The following HTR4 variants were observed in gnomAD, a reference collection of about 807,000 sequenced individuals.
HTR4 encodes 5-hydroxytryptamine receptor 4.
A neutral mutation model predicts 36.8 loss-of-function variants in HTR4; 16 were observed. The ratio of observed to expected loss-of-function variants is 0.43; its 90% CI spans 0.29 to 0.66. The LOEUF (loss-of-function observed/expected upper bound fraction) is 0.66. HTR4 is among the 30% of genes least tolerant of loss of function. The pLI is 0.13. For synonymous variants in HTR4, 189 were observed against 185.1 expected (o/e 1.02, Z -0.17); for missense variants, 438 against 490.9 (o/e 0.89, Z 1.02).
chr5:148,544,265 C>T (rs1350680718), intron 4 of HTR4, among the ~76,000 whole-genome samples: 1 of 151,168 alleles, frequency 6.6e-6, no homozygotes, highest in Non-Finnish European at 1.5e-5. Context: ...CTTTCTTTCT[C>T]TCTCTCTCTC....
intron 4 of HTR4, among the ~76,000 whole-genome samples, chr5:148,541,916 C>A (rs1025526221): frequency 6.6e-6 from 1 of 152,140 alleles, no homozygotes; most frequent in African/African-American, 2.4e-5. Flanking sequence ...GCTCAGGAGC[C>A]TACCCTGCTT....
chr5:148,463,313 C>G (rs187670083), intron 5 of HTR4, among the ~76,000 whole-genome samples: 2 of 151,212 alleles, frequency 1.3e-5, no homozygotes. Context: ...GATGGGACTA[C>G]AGGCATGCAC....
intron 2 of HTR4, among the ~76,000 whole-genome samples, chr5:148,573,728 T>C (rs1760772247): frequency 1.3e-5 from 2 of 152,016 alleles, no homozygotes; most frequent in Admixed American, 6.6e-5. Flanking sequence ...TTTGTCTTGC[T>C]ACTCCTCATC....
intron 1 of HTR4, among the ~76,000 whole-genome samples, chr5:148,643,759 T>C (rs905419305): frequency 6.6e-6 from 1 of 152,178 alleles, no homozygotes; most frequent in African/African-American, 2.4e-5. Context: ...CAGGAGGAGT[T>C]TGAGACTAAC....
chr5:148,507,213 C>T (rs9686785), intron 6 of HTR4, among the ~76,000 whole-genome samples: 80,690 of 151,532 alleles, frequency 0.53, 23,590 homozygotes, highest in African/African-American at 0.79. Context: ...GATGAGTTCA[C>T]GTCCTTTGTA....
chr5:148,573,891 T>C (rs760581384), intron 2 of HTR4, among the ~76,000 whole-genome samples: 45 of 152,062 alleles, frequency 3.0e-4, no homozygotes, highest in Non-Finnish European at 5.6e-4. Context: ...TACCTGGATC[T>C]ACACGAGTCT....
downstream of HTR4, among the ~76,000 whole-genome samples, chr5:148,481,197 AC>A (rs1050372109): frequency 6.6e-6 from 1 of 152,160 alleles, no homozygotes; most frequent in African/African-American, 2.4e-5. Flanking sequence ...TTAGAAAAGC[AC>A]CTCAAAATGG....
intron 5 of HTR4, among the ~76,000 whole-genome samples, chr5:148,511,301 C>G (rs963293162): frequency 6.6e-6 from 1 of 152,058 alleles, no homozygotes; most frequent in African/African-American, 2.4e-5. Flanking sequence ...TATCAACAAC[C>G]CAGCAGCCTC....
intron 2 of HTR4, among the ~76,000 whole-genome samples, chr5:148,624,303 C>A (rs560026522): frequency 3.9e-5 from 6 of 152,202 alleles, no homozygotes; most frequent in Admixed American, 2.6e-4. Context: ...TGGTTCCATC[C>A]CTTACTATTA....
At chr5:148,543,602 A>G (rs528068732) in intron 4 of HTR4, among the ~76,000 whole-genome samples, 1 of 152,356 alleles carries the variant, frequency 6.6e-6, no homozygotes, top group East Asian at 1.9e-4. Context: ...GTTGCTATTT[A>G]CAGTGGTTAC....
chr5:148,496,485 A>G (rs1003497134), intron 6 of HTR4, among the ~76,000 whole-genome samples: 1 of 152,214 alleles, frequency 6.6e-6, no homozygotes, highest in African/African-American at 2.4e-5. Context: ...TGGGATATTT[A>G]TTAAGAAAAA....
At chr5:148,535,483 C>T (rs949552748) in intron 4 of HTR4, among the ~76,000 whole-genome samples, 1 of 152,058 alleles carries the variant, frequency 6.6e-6, no homozygotes, top group African/African-American at 2.4e-5. Flanking sequence ...GAAACCAAGA[C>T]ACACAATAAA....
At chr5:148,615,748 T>C (rs534401019) in intron 2 of HTR4, among the ~76,000 whole-genome samples, 1 of 134,740 alleles carries the variant, frequency 7.4e-6, no homozygotes, top group East Asian at 2.4e-4. Context: ...AAAATAAAGC[T>C]CCTAAAGGTA....
At chr5:148,586,175 C>A (rs921657881) in intron 2 of HTR4, among the ~76,000 whole-genome samples, 3 of 152,142 alleles carry the variant, frequency 2.0e-5, no homozygotes, top group African/African-American at 7.2e-5. Context: ...CTCACTGCTG[C>A]ATTCCAGAGG....
At chr5:148,535,111 G>A (rs571831710) in intron 4 of HTR4, among the ~76,000 whole-genome samples, 113 of 152,258 alleles carry the variant, frequency 7.4e-4, no homozygotes, top group African/African-American at 2.6e-3. Context: ...CGAAGCTTAA[G>A]CATCAAAAAT....
chr5:148,596,886 G>T (rs1023705990), intron 2 of HTR4, among the ~76,000 whole-genome samples: 1 of 152,166 alleles, frequency 6.6e-6, no homozygotes, highest in African/African-American at 2.4e-5. Context: ...CTATGGCCCT[G>T]ACTTTGTGTA....
intron 4 of HTR4, among the ~76,000 whole-genome samples, chr5:148,540,385 T>G (rs761812506): frequency 8.2e-6 from 1 of 122,368 alleles, no homozygotes; most frequent in Non-Finnish European, 1.7e-5. Flanking sequence ...ATTTTAGGTT[T>G]TATTTTATGT....
chr5:148,451,192 C>A (rs768411943), exon 6 of HTR4: 5 of 1,613,816 alleles, frequency 3.1e-6, no homozygotes, highest in Non-Finnish European at 3.4e-6. Flanking sequence ...CAATCAGAAG[C>A]ATGATTCCAG....
rs781466311 is a variant in HTR4, at chr5:148,548,827, G to A, written c.194C>T (p.Ala65Val). Residue 65 changes from alanine (A) to valine (V), a missense_variant, in exon 4 of 7, where the codon GCG becomes GTG. Transcript: ENST00000377888. ...CACCAGCACCGAAACCAGCAGATCCGCAAAAGCAAGAGATACAATGAAATA... is the reference window on the plus strand; with the variant it reads ...CACCAGCACCGAAACCAGCAGATCCACAAAAGCAAGAGATACAATGAAATA... ...TNYFIVSLAF[A>V]DLLVSVLVMP... 2.1e-5 allele frequency: 34 copies of A among 1,613,820 alleles called. No homozygotes were observed. In the East Asian group the frequency reaches 5.3e-4, roughly 25 times the overall value.
Sources: gnomAD v4.1 joint callset for allele counts (sites outside exome capture counted in the v4.1 genomes callset) on GRCh38, gnomAD v4.1.1 for gene constraint, MANE v1.5 for transcripts, NCBI Gene and HGNC (gene_info 2026-07-23, HGNC 2026-07-21) for gene names.